Variants in GK5 observed in about 807,000 individuals in gnomAD.
GK5 encodes ATP:glycerol 3-phosphotransferase 5.
GK5 carries 39 observed loss-of-function variants against 77.3 expected under a neutral mutation model. That is an observed-to-expected ratio of 0.50 (90% CI 0.39 to 0.66). GK5 has a LOEUF of 0.66. Ranked by LOEUF, GK5 falls within the 30% of genes least tolerant of loss-of-function variation. GK5 has a pLI of 0.00. For missense variants in GK5, 487 were observed against 633.8 expected (o/e 0.77, Z 2.49); for synonymous variants, 211 against 208.0 (o/e 1.01, Z -0.13).
chr3:142,202,238 T>C (rs2064035783), intron 4 of GK5, among the ~76,000 whole-genome samples: 1 of 152,164 alleles, frequency 6.6e-6, no homozygotes, highest in Non-Finnish European at 1.5e-5. Context: ...GAAGAAAGCC[T>C]TAGCCATCAT....
At chr3:142,175,821 AT>A (rs1044854224) in intron 12 of GK5, among the ~76,000 whole-genome samples, 5 of 148,672 alleles carry the variant, frequency 3.4e-5, no homozygotes, top group African/African-American at 1.2e-4. Context: ...ACTTAAAAAA[AT>A]ATACTTTATA....
At chr3:142,190,399 C>T (rs1560221278) in intron 5 of GK5, among the ~76,000 whole-genome samples, 1 of 152,160 alleles carries the variant, frequency 6.6e-6, no homozygotes, top group Non-Finnish European at 1.5e-5. Flanking sequence ...ATCAACAACT[C>T]TCCTTAGATC....
intron 1 of GK5, among the ~76,000 whole-genome samples, chr3:142,217,333 T>C (rs907641544): frequency 4.0e-5 from 6 of 151,670 alleles, no homozygotes; most frequent in Non-Finnish European, 5.9e-5. Context: ...AAGAAAGTCA[T>C]AAAAGACATA....
intron 5 of GK5, among the ~76,000 whole-genome samples, chr3:142,194,651 A>C (rs2063907074): frequency 6.6e-6 from 1 of 151,942 alleles, no homozygotes; most frequent in Non-Finnish European, 1.5e-5. Flanking sequence ...CGATCATGCC[A>C]CTGTACTCAA....
chr3:142,190,027 G>A (rs1306713811), intron 5 of GK5, among the ~76,000 whole-genome samples: 1 of 152,056 alleles, frequency 6.6e-6, no homozygotes, highest in Non-Finnish European at 1.5e-5. Flanking sequence ...ACAGTCCATG[G>A]GAGCTACAGA....
intron 1 of GK5, among the ~76,000 whole-genome samples, chr3:142,216,293 T>C (rs914459204): frequency 1.3e-5 from 2 of 152,180 alleles, no homozygotes; most frequent in East Asian, 3.8e-4. Flanking sequence ...TAAGCTCTAC[T>C]GTTTTGGCTC....
In GK5 at chr3:142,159,853, C is replaced by CTCTCTCTCTTTTTTTT. The variant is rs1553825247; in HGVS notation, c.*5768_*5769insAAAAAAAAGAGAGAGA. ...TTTCTCTCTCTCTCTCTCTCTCTCT[C>CTCTCTCTCTTTTTTTT]TTTTTTTTTTTTGAGACAGAGTCTC... On this transcript the variant is annotated 3_prime_UTR_variant, in exon 16 of 16. Coordinates refer to ENST00000392993, the MANE Select transcript of GK5 (RefSeq NM_001039547.3). 3 of 106,124 alleles carry CTCTCTCTCTTTTTTTT rather than the reference C, an allele frequency of 2.8e-5. No homozygotes were observed. The highest frequency in any genetic ancestry group is 5.7e-5 in the Non-Finnish European group (3 of 53,072). 6.6% of individuals were successfully genotyped at this position (106,124 alleles called of 1,614,324 possible). A position where few individuals can be genotyped will look rare whatever the true frequency, so the allele number is the denominator to read the frequency against.
chr3:142,165,071 G>A lies in GK5; in HGVS notation c.*551C>T, dbSNP rs1040193042. 1 of 152,476 alleles carries A rather than the reference G, an allele frequency of 6.6e-6. No individual in the cohort carries two copies. Among genetic ancestry groups the A allele is most frequent in the Non-Finnish European group, 1.5e-5 (1 of 68,010 alleles). The allele number at this position is 152,476 out of a possible 1,614,324, so 9.4% of individuals were successfully genotyped here. On this transcript the variant is annotated 3_prime_UTR_variant, in exon 16 of 16. Coordinates refer to ENST00000392993, the MANE Select transcript of GK5 (RefSeq NM_001039547.3). ...ACTATCTCATAAGCTTATCTGAGAG[G>A]GACATATTAAGCTCATATTTGGATA...
Position 142,169,669 on chromosome 3 carries a change from C to CTTT in GK5, c.1441+653_1441+655dup, listed in dbSNP as rs71304258. 6.8e-3 allele frequency among the ~76,000 whole-genome samples: 790 copies of CTTT among 116,890 alleles called. 29 individuals are homozygous for CTTT. Among genetic ancestry groups the CTTT allele is most frequent in the African/African-American group, 0.023 (672 of 29,632 alleles). The allele number at this position is 116,890 out of a possible 152,430, so 76.7% of individuals were successfully genotyped here. On this transcript the variant is annotated intron_variant, in intron 15 of 15. Coordinates refer to ENST00000392993, the MANE Select transcript of GK5 (RefSeq NM_001039547.3). ...CCAGAATAAAGCCCACCTTACTGTT[C>CTTT]TTTTTTTTTTTTTTTTTTTTGAGAC...
intron 11 of GK5, among the ~76,000 whole-genome samples, chr3:142,180,371 C>T (rs1384868652): frequency 2.6e-5 from 4 of 151,456 alleles, no homozygotes; most frequent in South Asian, 2.1e-4. Flanking sequence ...GGCGTGATCT[C>T]GGCTCGCCAC....
chr3:142,172,567 T>C (rs1302021331), intron 12 of GK5, 111 bp from the exon 13 acceptor site: 3 of 504,116 alleles, frequency 6.0e-6, no homozygotes, highest in African/African-American at 5.8e-5. Context: ...AATAATGCTA[T>C]GGTTAAATAA....
chr3:142,223,614 G>A (rs990430512), intron 1 of GK5, among the ~76,000 whole-genome samples: 3 of 152,334 alleles, frequency 2.0e-5, no homozygotes, highest in Admixed American at 1.3e-4. Flanking sequence ...TGAGGCAGGC[G>A]GTTCACCTGA....
intron 4 of GK5, chr3:142,204,300 G>A (rs564523036): frequency 2.3e-4 from 59 of 259,690 alleles, no homozygotes; most frequent in Admixed American, 4.0e-4. Context: ...TTACAGGCGC[G>A]AGCCATCATG....
At chr3:142,199,808 T>C (rs1373515583) in intron 4 of GK5, among the ~76,000 whole-genome samples, 1 of 150,646 alleles carries the variant, frequency 6.6e-6, no homozygotes, top group Non-Finnish European at 1.5e-5. Context: ...ACTACAGGGA[T>C]GTAGATGGAC....
intron 5 of GK5, 29 bp downstream of exon 5, chr3:142,198,772 AT>A: frequency 6.3e-7 from 1 of 1,575,278 alleles, no homozygotes; most frequent in Non-Finnish European, 8.6e-7. Flanking sequence ...ATACACACAT[AT>A]TTTCCACATA....
At chr3:142,180,606 TTCTC>T (rs2063683424) in intron 11 of GK5, among the ~76,000 whole-genome samples, 1 of 152,178 alleles carries the variant, frequency 6.6e-6, no homozygotes, top group Admixed American at 6.5e-5. Flanking sequence ...CCAGCCTTCT[TTCTC>T]TTTCTTTGTT....
rs1222937180 is a variant in GK5 at position 142,186,176 on chromosome 3, T to C, written c.755+18A>G. 2 of 1,468,446 alleles carry C rather than the reference T, an allele frequency of 1.4e-6. No homozygotes were observed. The highest frequency in any genetic ancestry group is 1.9e-6 in the Non-Finnish European group (2 of 1,049,510). 91.0% of individuals were successfully genotyped at this position (1,468,446 alleles called of 1,614,324 possible). A position where few individuals can be genotyped will look rare whatever the true frequency, so the allele number is the denominator to read the frequency against. On this transcript the variant is annotated intron_variant, in intron 8 of 15. Coordinates refer to ENST00000392993, the MANE Select transcript of GK5 (RefSeq NM_001039547.3). ...AAGAACCATTGTGCTGGTTACTATG[T>C]CTGATGTTTATTATTACCTTGTGTC...
In GK5 at chr3:142,165,774, T is replaced by C. The variant is rs762988572; in HGVS notation, c.1442-4A>G. 4 of 1,565,088 alleles carry C rather than the reference T, an allele frequency of 2.6e-6. No homozygotes were observed. In the East Asian group the frequency reaches 6.9e-5, roughly 27 times the overall value. ...TCCTCCTTGTCAGTCCAAAACCCTA[T>C]AGATAAAAAAATTATCCTCAAATTT... On this transcript the variant is annotated splice_polypyrimidine_tract_variant and splice_region_variant and intron_variant, in intron 15 of 15. Transcript: ENST00000392993.
At chr3:142,216,107 C>T (rs546713321) in intron 1 of GK5, among the ~76,000 whole-genome samples, 20 of 152,276 alleles carry the variant, frequency 1.3e-4, no homozygotes, top group Non-Finnish European at 1.5e-5. Context: ...CATGGAGCAG[C>T]CATTGTGGAC....
Sources: allele counts gnomAD v4.1 joint callset (sites outside exome capture counted in the v4.1 genomes callset), GRCh38; gene constraint gnomAD v4.1.1; transcripts MANE v1.5; gene names NCBI Gene and HGNC (gene_info 2026-07-23, HGNC 2026-07-21).